The following ATAD1 variants were observed in gnomAD, a reference collection of about 807,000 sequenced individuals.
ATAD1 encodes the protein ATPase family AAA domain containing 1.
A neutral mutation model predicts 42.7 loss-of-function variants in ATAD1; 18 were observed. That is an observed-to-expected ratio of 0.42 (90% CI 0.29 to 0.63). The LOEUF (loss-of-function observed/expected upper bound fraction) is 0.63, where lower values mean the gene tolerates loss of function less well. Ranked by LOEUF, ATAD1 falls within the 20% of genes least tolerant of loss-of-function variation. The probability of loss-of-function intolerance (pLI) is 0.19; values close to 1 mark genes in which losing one functional copy is unlikely to be tolerated. For missense variants in ATAD1, 294 were observed against 440.4 expected (o/e 0.67, Z 2.98); for synonymous variants, 132 against 143.1 (o/e 0.92, Z 0.55).
Position 87,792,708 on chromosome 10 carries a change from T to G in ATAD1, c.210A>C (p.Ser70=). 1 of 1,613,740 alleles carries G rather than the reference T, an allele frequency of 6.2e-7. No individual in the cohort carries two copies. Among genetic ancestry groups the G allele is most frequent in the African/African-American group, 1.3e-5 (1 of 75,012 alleles). ...KQIGVKNVKL[S]EYEMSIAAHL... ...GAGCAGCAATACTCATTTCATATTC[T>G]GAGAGCTTCACATTTTTCACTCCAA... Residue 70 remains serine, a synonymous_variant, in exon 3 of 10, where the codon TCA becomes TCC. Transcript: ENST00000680024.
chr10:87,815,177 C>G (rs1408125848), intron 1 of ATAD1, among the ~76,000 whole-genome samples: 1 of 152,040 alleles, frequency 6.6e-6, no homozygotes, highest in Non-Finnish European at 1.5e-5. Context: ...TTGAGCCACA[C>G]TATTGTTCCC....
At chr10:87,787,299 C>T (rs528443932) in intron 4 of ATAD1, among the ~76,000 whole-genome samples, 1 of 152,220 alleles carries the variant, frequency 6.6e-6, no homozygotes, top group South Asian at 2.1e-4. Flanking sequence ...AATGGCTTTA[C>T]TTAGTAAGTG....
At chr10:87,763,661 A>T (rs1854601172) in intron 8 of ATAD1, among the ~76,000 whole-genome samples, 1 of 152,072 alleles carries the variant, frequency 6.6e-6, no homozygotes, top group Admixed American at 6.6e-5. Context: ...TAATACAGTG[A>T]GACCCTAAAA....
At chr10:87,759,719 G>C in intron 8 of ATAD1, 1 of 454,524 alleles carries the variant, frequency 2.2e-6, no homozygotes, top group Non-Finnish European at 4.4e-6. Context: ...TTAAGAGTAG[G>C]CTCCATCACT....
At chr10:87,837,513 G>T (rs146137872) in intron 1 of ATAD1, among the ~76,000 whole-genome samples, 1 of 152,298 alleles carries the variant, frequency 6.6e-6, no homozygotes, top group African/African-American at 2.4e-5. Context: ...TACATATGCT[G>T]TTTGTGATCA....
At chr10:87,817,847 G>C in intron 1 of ATAD1, 3 of 985,498 alleles carry the variant, frequency 3.0e-6, no homozygotes, top group Non-Finnish European at 3.6e-6. Context: ...GAAGTCTTCC[G>C]GGACGACCTC....
At chr10:87,828,139 T>G (rs1473769101) in intron 1 of ATAD1, among the ~76,000 whole-genome samples, 3 of 152,098 alleles carry the variant, frequency 2.0e-5, no homozygotes, top group African/African-American at 7.2e-5. Context: ...TTTTTTTTAA[T>G]TTTTTGCAGA....
chr10:87,790,166 A>T, intron 4 of ATAD1, 144 bp downstream of exon 4: 1 of 851,700 alleles, frequency 1.2e-6, no homozygotes, highest in Non-Finnish European at 1.7e-6. Flanking sequence ...CTGAAGAATG[A>T]GCAATTATTT....
chr10:87,768,310 T>C (rs1013069635), intron 7 of ATAD1, among the ~76,000 whole-genome samples: 8 of 152,226 alleles, frequency 5.3e-5, no homozygotes, highest in African/African-American at 9.6e-5. Flanking sequence ...CTCAGCTATA[T>C]AGTCAATATA....
intron 1 of ATAD1, among the ~76,000 whole-genome samples, chr10:87,823,326 TG>T (rs1857665921): frequency 6.6e-6 from 1 of 152,184 alleles, no homozygotes; most frequent in Admixed American, 6.5e-5. Context: ...TACCAAAAAA[TG>T]TTTTCTAGAA....
chr10:87,797,029 T>G (rs189785717), intron 2 of ATAD1, among the ~76,000 whole-genome samples: 1 of 152,330 alleles, frequency 6.6e-6, no homozygotes, highest in East Asian at 1.9e-4. Context: ...TTGACTTTTT[T>G]CCTGCTTCTA....
At chr10:87,840,336 A>T (rs910149880) in intron 1 of ATAD1, among the ~76,000 whole-genome samples, 3 of 152,272 alleles carry the variant, frequency 2.0e-5, no homozygotes, top group Non-Finnish European at 4.4e-5. Flanking sequence ...AAAGTAAAAA[A>T]TTAGCCGGGT....
chr10:87,757,332 T>C (rs1313983627), intron 8 of ATAD1, among the ~76,000 whole-genome samples: 1 of 152,074 alleles, frequency 6.6e-6, no homozygotes, highest in Non-Finnish European at 1.5e-5. Context: ...TGGTATTCTA[T>C]TATCTCAACA....
chr10:87,777,672 C>A (rs1025961382), intron 5 of ATAD1, among the ~76,000 whole-genome samples: 1 of 151,768 alleles, frequency 6.6e-6, no homozygotes, highest in African/African-American at 2.4e-5. Context: ...TCTTATATCC[C>A]TATAAATCAC....
In ATAD1 at chr10:87,837,452, G is replaced by A. The variant is rs536320046; in HGVS notation, c.-14+3735C>T. Among the ~76,000 whole-genome samples the A allele has an allele frequency of 2.0e-5, 3 of 152,246 alleles. No individual in the cohort carries two copies. In the South Asian group the frequency reaches 6.2e-4, roughly 32 times the overall value. On this transcript the variant is annotated intron_variant, in intron 1 of 4. Coordinates refer to the ATAD1 transcript ENST00000495903. ...ACTACCAGTCAGTAGTGGTAGGGTG[G>A]TGGACTTGTGTGGTAGACTCTCCTT...
chr10:87,759,700 C>T (rs936063116), intron 8 of ATAD1: 1 of 450,240 alleles, frequency 2.2e-6, no homozygotes, highest in Non-Finnish European at 4.5e-6. Flanking sequence ...AGGTACCATA[C>T]CCTAATGGTT....
intron 1 of ATAD1, among the ~76,000 whole-genome samples, chr10:87,829,535 T>A (rs1857791699): frequency 6.6e-6 from 1 of 152,188 alleles, no homozygotes; most frequent in Admixed American, 6.5e-5. Context: ...ATTACAGGCA[T>A]GAGCCACCTC....
chr10:87,777,558 T>C (rs886424109), intron 5 of ATAD1, among the ~76,000 whole-genome samples: 2 of 152,006 alleles, frequency 1.3e-5, no homozygotes, highest in Non-Finnish European at 2.9e-5. Flanking sequence ...CAATTTTATT[T>C]TAGAATATAA....
At chr10:87,782,189 A>G (rs1855596897) in intron 5 of ATAD1, among the ~76,000 whole-genome samples, 1 of 152,212 alleles carries the variant, frequency 6.6e-6, no homozygotes, top group Non-Finnish European at 1.5e-5. Context: ...GAATTCTCAA[A>G]AGCAACAAGA....
Sources: allele counts gnomAD v4.1 joint callset (sites outside exome capture counted in the v4.1 genomes callset), GRCh38; gene constraint gnomAD v4.1.1; transcripts MANE v1.5; gene names NCBI Gene and HGNC (gene_info 2026-07-23, HGNC 2026-07-21).